The following LPP variants were observed in gnomAD, a reference collection of about 807,000 sequenced individuals.
LPP encodes LIM domain containing preferred translocation partner in lipoma.
In LPP, 38 loss-of-function variants were observed where a neutral mutation model predicts 60.4. The ratio of observed to expected loss-of-function variants is 0.63; its 90% CI spans 0.49 to 0.83. The LOEUF is 0.83. LPP is among the 40% of genes least tolerant of loss of function. The pLI is 0.00. For missense variants in LPP, 902 were observed against 783.6 expected, an observed-to-expected ratio of 1.15 and a Z score of -1.80; for synonymous variants, 328 against 290.8, an observed-to-expected ratio of 1.13 and a Z score of -1.30.
At chr3:188,678,725 A>G (rs1858711233) in intron 7 of LPP, among the ~76,000 whole-genome samples, 1 of 152,156 alleles carries the variant, frequency 6.6e-6, no homozygotes, top group Non-Finnish European at 1.5e-5. Context: ...GTTGGATGTG[A>G]TGAGGGATAT....
chr3:188,656,319 T>C (rs1853207529), intron 7 of LPP, among the ~76,000 whole-genome samples: 1 of 152,016 alleles, frequency 6.6e-6, no homozygotes, highest in South Asian at 2.1e-4. Flanking sequence ...TCCTTCCACA[T>C]GCTATGTCTG....
intron 9 of LPP, among the ~76,000 whole-genome samples, chr3:188,794,531 G>GA (rs1208850167): frequency 6.6e-6 from 1 of 151,898 alleles, no homozygotes; most frequent in African/African-American, 2.4e-5. Flanking sequence ...GGGGCAAATA[G>GA]AAAAAAAGTG....
chr3:188,323,757 G>A (rs2150407356), intron 2 of LPP, among the ~76,000 whole-genome samples: 1 of 152,312 alleles, frequency 6.6e-6, no homozygotes, highest in Admixed American at 6.5e-5. Flanking sequence ...AGATTAAAAG[G>A]GAACTCTGAC....
chr3:188,820,232 A>T (rs762069495), intron 9 of LPP, among the ~76,000 whole-genome samples: 1 of 151,860 alleles, frequency 6.6e-6, no homozygotes, highest in Non-Finnish European at 1.5e-5. Flanking sequence ...CTTCTTTACT[A>T]TACTCCCTGA....
chr3:188,747,993 C>CA (rs1223935004), intron 8 of LPP, among the ~76,000 whole-genome samples: 3 of 152,140 alleles, frequency 2.0e-5, no homozygotes. Context: ...GTGAGGTACT[C>CA]ATATCTTAAA....
chr3:188,359,781 G>C (rs928465973), intron 3 of LPP, among the ~76,000 whole-genome samples: 2 of 152,072 alleles, frequency 1.3e-5, no homozygotes, highest in African/African-American at 4.8e-5. Context: ...CTGTCTCCAG[G>C]TTGTAAATGA....
chr3:188,518,635 G>A (rs772084008), intron 5 of LPP, among the ~76,000 whole-genome samples: 1 of 152,096 alleles, frequency 6.6e-6, no homozygotes, highest in African/African-American at 2.4e-5. Flanking sequence ...TTCAAATTCC[G>A]GCTTTTTGAA....
At chr3:188,155,384 C>A (rs1027691136) in intron 1 of LPP, among the ~76,000 whole-genome samples, 1 of 152,206 alleles carries the variant, frequency 6.6e-6, no homozygotes, top group African/African-American at 2.4e-5. Context: ...AAATCTCTTG[C>A]CTTTCCTGTA....
intron 2 of LPP, among the ~76,000 whole-genome samples, chr3:188,226,318 TTCTA>T (rs1466902715): frequency 1.3e-5 from 2 of 152,164 alleles, no homozygotes; most frequent in Non-Finnish European, 2.9e-5. Context: ...CTCATTTTAT[TTCTA>T]TAACAACCCT....
intron 5 of LPP, among the ~76,000 whole-genome samples, chr3:188,505,281 C>G (rs1401690151): frequency 6.6e-6 from 1 of 152,142 alleles, no homozygotes; most frequent in African/African-American, 2.4e-5. Context: ...TTTTACTAAG[C>G]AGAACTAACT....
At chr3:188,737,106 C>T (rs1373515604) in intron 8 of LPP, among the ~76,000 whole-genome samples, 1 of 143,268 alleles carries the variant, frequency 7.0e-6, no homozygotes, top group Non-Finnish European at 1.6e-5. Flanking sequence ...ATTTTATTTT[C>T]CCCCCTAATT....
At chr3:188,618,258 C>G (rs1845215175) in intron 7 of LPP, among the ~76,000 whole-genome samples, 1 of 152,190 alleles carries the variant, frequency 6.6e-6, no homozygotes, top group Non-Finnish European at 1.5e-5. Context: ...CATCTTTGGA[C>G]TTCAGAGAAT....
chr3:188,318,426 AAAAAG>A (rs1461372607), intron 2 of LPP, among the ~76,000 whole-genome samples: 1 of 151,962 alleles, frequency 6.6e-6, no homozygotes, highest in Non-Finnish European at 1.5e-5. Flanking sequence ...AACAAAAAAA[AAAAAG>A]AAAAACAAAA....
At chr3:188,561,069 G>C (rs1250462103) in intron 6 of LPP, among the ~76,000 whole-genome samples, 1 of 152,060 alleles carries the variant, frequency 6.6e-6, no homozygotes, top group Non-Finnish European at 1.5e-5. Flanking sequence ...TTGAATGTCT[G>C]TGCACTCATT....
intron 1 of LPP, chr3:188,212,622 C>T (rs1322723943): frequency 6.6e-6 from 1 of 152,328 alleles, no homozygotes; most frequent in Non-Finnish European, 1.5e-5. Context: ...ATTCTTGTTT[C>T]CAGAAACAAA....
chr3:188,470,319 C>CACACACACACACACACACACACAT (rs138685539), intron 4 of LPP, among the ~76,000 whole-genome samples: 2 of 148,762 alleles, frequency 1.3e-5, no homozygotes, highest in South Asian at 2.1e-4. Flanking sequence ...CACACACACA[C>CACACACACACACACACACACACAT]GCACACATAA....
chr3:188,764,550 C>T (rs938468749), intron 9 of LPP, among the ~76,000 whole-genome samples: 93 of 152,078 alleles, frequency 6.1e-4, no homozygotes, highest in Middle Eastern at 3.4e-3. Flanking sequence ...ATATTAAAAG[C>T]GGAGGTTCAT....
intron 2 of LPP, among the ~76,000 whole-genome samples, chr3:188,303,728 A>G (rs1750661648): frequency 6.6e-6 from 1 of 152,180 alleles, no homozygotes; most frequent in Non-Finnish European, 1.5e-5. Flanking sequence ...GAGTTTCCTG[A>G]CTTGCTTGAT....
chr3:188,251,132 T>C (rs1039958759), intron 2 of LPP, among the ~76,000 whole-genome samples: 2 of 149,116 alleles, frequency 1.3e-5, no homozygotes, highest in African/African-American at 2.5e-5. Flanking sequence ...TTTCTTTCTT[T>C]CTTTTGGTTA....
Sources: gnomAD v4.1 joint callset for allele counts (sites outside exome capture counted in the v4.1 genomes callset) on GRCh38, gnomAD v4.1.1 for gene constraint, MANE v1.5 for transcripts, NCBI Gene and HGNC (gene_info 2026-07-23, HGNC 2026-07-21) for gene names.